SNX18: variants seen among roughly 807,000 people sequenced by gnomAD.
The protein encoded by SNX18 is sorting nexin-18.
SNX18 carries 35 observed loss-of-function variants against 48.7 expected under a neutral mutation model. The observed-to-expected ratio is 0.72, with a 90% CI of 0.55 to 0.95. The LOEUF is 0.95. Ranked by LOEUF, SNX18 falls within the 40% of genes least tolerant of loss-of-function variation. The probability of loss-of-function intolerance (pLI) is 0.00; values close to 1 mark genes in which losing one functional copy is unlikely to be tolerated. For synonymous variants in SNX18, 492 were observed against 384.7 expected (o/e 1.28, Z -3.26); for missense variants, 824 against 871.0 (o/e 0.95, Z 0.68).
rs200257949 is a variant in SNX18 at position 54,518,522 on chromosome 5, C to G, written c.570C>G (p.Ala190=). 9 of 1,555,770 alleles carry G rather than the reference C, an allele frequency of 5.8e-6. No individual in the cohort carries two copies. In the East Asian group the frequency reaches 2.2e-4, roughly 37 times the overall value. Residue 190 remains alanine (A), a synonymous_variant, in exon 1 of 2, where the codon GCC becomes GCG. Coordinates refer to ENST00000381410, the MANE Select transcript of SNX18 (RefSeq NM_001102575.2). ...DGSSSAGVGA[A]GRYRLSTRSD... ...CGTCTTCGGCGGGTGTGGGCGCAGC[C>G]GGCCGCTACCGCCTGTCCACGCGCT...
At chr5:54,565,750 C>T in the SNX18 span, among the ~76,000 whole-genome samples, 1 of 152,106 alleles carries the variant, frequency 6.6e-6, no homozygotes, top group Non-Finnish European at 1.5e-5. Context: ...AATTTGTCAG[C>T]AGTGGAATGA....
At chr5:54,643,332 A>G in the SNX18 span, among the ~76,000 whole-genome samples, 5 of 152,166 alleles carry the variant, frequency 3.3e-5, no homozygotes, top group African/African-American at 1.2e-4. Context: ...ATAAACTTGC[A>G]TTTTACTAAT....
At chr5:54,623,749 C>T in the SNX18 span, among the ~76,000 whole-genome samples, 3 of 152,104 alleles carry the variant, frequency 2.0e-5, no homozygotes, top group Non-Finnish European at 4.4e-5. Flanking sequence ...AAATACTGTC[C>T]TATTGCCATT....
chr5:54,554,343 G>C, the SNX18 span, among the ~76,000 whole-genome samples: 3 of 152,150 alleles, frequency 2.0e-5, no homozygotes, highest in Non-Finnish European at 4.4e-5. Flanking sequence ...GAACGTGAAG[G>C]GGGGCTTTGG....
the SNX18 span, among the ~76,000 whole-genome samples, chr5:54,555,513 G>A: frequency 3.3e-5 from 5 of 151,922 alleles, no homozygotes; most frequent in Non-Finnish European, 7.4e-5. Flanking sequence ...CCTGGCTAAT[G>A]CCTGGCATAT....
intron 1 of SNX18, among the ~76,000 whole-genome samples, chr5:54,525,546 G>T (rs1014134862): frequency 4.6e-5 from 7 of 152,130 alleles, no homozygotes; most frequent in African/African-American, 1.7e-4. Flanking sequence ...GCCCTGTATT[G>T]CACACCGGAA....
At chr5:54,522,029 A>G (rs1762041848) in intron 1 of SNX18, among the ~76,000 whole-genome samples, 1 of 152,234 alleles carries the variant, frequency 6.6e-6, no homozygotes, top group African/African-American at 2.4e-5. Context: ...GTTGATATTC[A>G]GTATAGTTTG....
At chr5:54,641,724 G>A in the SNX18 span, among the ~76,000 whole-genome samples, 1 of 152,290 alleles carries the variant, frequency 6.6e-6, no homozygotes, top group East Asian at 1.9e-4. Context: ...ACATTGAGGA[G>A]GACGCTTTGC....
At chr5:54,643,631 G>A in the SNX18 span, 3 of 152,172 alleles carry the variant, frequency 2.0e-5, no homozygotes, top group African/African-American at 7.2e-5. Flanking sequence ...AAATTTTGGA[G>A]GTATCAATTC....
At chr5:54,574,681 G>T in the SNX18 span, among the ~76,000 whole-genome samples, 8 of 152,154 alleles carry the variant, frequency 5.3e-5, no homozygotes, top group Non-Finnish European at 1.0e-4. Flanking sequence ...TGGAAAGGAA[G>T]GGGGTGTGAG....
rs542228619 is a variant in SNX18, at chr5:54,518,545, G to A, written c.593G>A (p.Arg198His). 1.3e-6 allele frequency: 2 copies of A among 1,585,454 alleles called. No individual in the cohort carries two copies. Among genetic ancestry groups the A allele is most frequent in the South Asian group, 2.3e-5 (2 of 87,290 alleles). Residue 198 changes from arginine (R) to histidine (H), a missense_variant, in exon 1 of 2, where the codon CGC becomes CAC. Coordinates refer to ENST00000381410, the MANE Select transcript of SNX18 (RefSeq NM_001102575.2). ...GAAGRYRLST[R>H]SDLSLGSRGG... ...GCCGGCCGCTACCGCCTGTCCACGC[G>A]CTCCGACCTGTCCCTGGGTTCCCGC...
At position 54,517,782 on chromosome 5, in the gene SNX18, G is replaced by T. The variant is rs973262464; in HGVS notation, c.-171G>T. 1.9e-6 allele frequency: 1 copy of T among 533,292 alleles called. No individual in the cohort carries two copies. Among genetic ancestry groups the T allele is most frequent in the Admixed American group, 4.7e-5 (1 of 21,306 alleles). The allele number at this position is 533,292 out of a possible 1,614,324, so 33.0% of individuals were successfully genotyped here. On this transcript the variant is annotated 5_prime_UTR_variant, in exon 1 of 2. Coordinates refer to ENST00000381410, the MANE Select transcript of SNX18 (RefSeq NM_001102575.2). ...GCAGTCGGCGCTGCGAAGTGGAGGC[G>T]CTGCGAGCGGAGCCGCGCGGAGGGC...
chr5:54,645,119 T>C, the SNX18 span: 1 of 152,224 alleles, frequency 6.6e-6, no homozygotes, highest in Non-Finnish European at 1.5e-5. Flanking sequence ...TATTAACTGA[T>C]ATATCCTGGG....
At chr5:54,640,564 T>C in the SNX18 span, among the ~76,000 whole-genome samples, 1 of 152,054 alleles carries the variant, frequency 6.6e-6, no homozygotes, top group Non-Finnish European at 1.5e-5. Context: ...CAAGACGAAA[T>C]AGTAATTCCC....
intron 1 of SNX18, among the ~76,000 whole-genome samples, chr5:54,542,594 G>C (rs992449412): frequency 1.3e-5 from 2 of 152,176 alleles, no homozygotes; most frequent in African/African-American, 4.8e-5. Context: ...GCCCTCATGA[G>C]GGTGACCTCC....
chr5:54,520,334 C>G (rs1469380639), intron 1 of SNX18: 1 of 171,128 alleles, frequency 5.8e-6, no homozygotes, highest in Admixed American at 6.1e-5. Context: ...TTGTTAGTGT[C>G]TCTGACCTTT....
the SNX18 span, among the ~76,000 whole-genome samples, chr5:54,620,264 CA>C: frequency 2.6e-5 from 4 of 151,994 alleles, no homozygotes; most frequent in Admixed American, 2.6e-4. Flanking sequence ...GGGCAAATAT[CA>C]GCAGAGCTGC....
the SNX18 span, among the ~76,000 whole-genome samples, chr5:54,641,812 G>A: frequency 6.6e-6 from 1 of 152,140 alleles, no homozygotes; most frequent in Non-Finnish European, 1.5e-5. Context: ...TGCGTGTGCG[G>A]GTGGGAGGTG....
the SNX18 span, among the ~76,000 whole-genome samples, chr5:54,584,238 A>T: frequency 6.6e-6 from 1 of 151,920 alleles, no homozygotes; most frequent in South Asian, 2.1e-4. Context: ...TTTAGTAGAG[A>T]TGGGTTTCAC....
Sources: allele counts gnomAD v4.1 joint callset (sites outside exome capture counted in the v4.1 genomes callset), GRCh38; gene constraint gnomAD v4.1.1; transcripts MANE v1.5; gene names NCBI Gene and HGNC (gene_info 2026-07-23, HGNC 2026-07-21).